The following DDHD2 variants were observed in gnomAD, a reference collection of about 807,000 sequenced individuals.
The protein encoded by DDHD2 is DDHD domain containing 2.
DDHD2 carries 62 observed loss-of-function variants against 91.2 expected under a neutral mutation model. The ratio of observed to expected loss-of-function variants is 0.68; its 90% CI spans 0.55 to 0.84. The LOEUF is 0.84. DDHD2 is among the 40% of genes least tolerant of loss of function. The pLI is 0.00. For synonymous variants in DDHD2, 271 were observed against 293.9 expected, an observed-to-expected ratio of 0.92 and a Z score of 0.80; for missense variants, 740 against 846.9, an observed-to-expected ratio of 0.87 and a Z score of 1.57.
intron 4 of DDHD2, 76 bp from the exon 5 acceptor site, chr8:38,238,013 C>A: frequency 7.1e-7 from 1 of 1,411,476 alleles, no homozygotes. Flanking sequence ...AGACATGATT[C>A]TACACTTAAA....
rs1806286262 is a variant in DDHD2, at chr8:38,253,655, A to G, written c.1991A>G (p.Gln664Arg). 4 of 1,614,170 alleles carry G rather than the reference A, an allele frequency of 2.5e-6. No homozygotes were observed. The highest frequency in any genetic ancestry group is 1.7e-6 in the Non-Finnish European group (2 of 1,179,966). Residue 664 changes from glutamine to arginine, a missense_variant, in exon 16 of 18, where the codon CAG becomes CGG. Gln to Arg is a conservative substitution (Grantham distance 43, BLOSUM62 1). This residue lies in a region of DDHD2 where 47 missense variants were observed against 82.6 expected (regional missense o/e 0.57). Transcript: ENST00000397166. The part of the protein sequence containing the change: ...NGGQRIDYVL[Q>R]EKPIESFNEY... ...GGCCAACGCATTGACTATGTGCTACAGGAGAAGCCTATTGAAAGTTTTAAT... is the reference window on the plus strand; with the variant it reads ...GGCCAACGCATTGACTATGTGCTACGGGAGAAGCCTATTGAAAGTTTTAAT...
chr8:38,255,215 C>T (rs557994805), intron 16 of DDHD2: 2 of 191,562 alleles, frequency 1.0e-5, no homozygotes, highest in Non-Finnish European at 2.1e-5. Flanking sequence ...AAAAAAAAAG[C>T]AAGCTCAAAG....
intron 14 of DDHD2, 49 bp from the exon 15 acceptor site, chr8:38,252,908 C>T (rs1295349823): frequency 6.2e-7 from 1 of 1,608,104 alleles, no homozygotes; most frequent in Admixed American, 1.7e-5. Context: ...CTATGTTGGA[C>T]CCTAAGCTCT....
Position 38,237,593 on chromosome 8 carries a change from C to A in DDHD2, c.467C>A (p.Pro156His). Residue 156 changes from proline to histidine, a missense_variant, in exon 4 of 18, where the codon CCC becomes CAC. By Grantham distance (77) the Pro-to-His change is moderately conservative. Coordinates refer to ENST00000397166, the MANE Select transcript of DDHD2 (RefSeq NM_015214.3). Reference protein sequence around the residue: ...LDEWKKKLESPNREIIILHNP... With the variant: ...LDEWKKKLESHNREIIILHNP... ...GAATGGAAAAAGAAACTGGAATCTC[C>A]CAACAGAGAAATTATTATTTTACAC... The A allele has an allele frequency of 6.3e-7, 1 of 1,591,436 alleles. No individual in the cohort carries two copies. The highest frequency in any genetic ancestry group is 1.1e-5 in the South Asian group (1 of 87,216).
chr8:38,268,392 C>T (rs1394916175), intron 1 of DDHD2: 1 of 1,570,956 alleles, frequency 6.4e-7, no homozygotes, highest in Non-Finnish European at 8.6e-7. Context: ...TGTCTGCTGT[C>T]TCTTGTGTCT....
Position 38,252,976 on chromosome 8 carries a change from C to T in DDHD2, c.1740C>T (p.Thr580=). 6.2e-7 allele frequency: 1 copy of T among 1,613,922 alleles called. No individual in the cohort carries two copies. The highest frequency in any genetic ancestry group is 8.5e-7 in the Non-Finnish European group (1 of 1,179,960). Residue 580 remains threonine, a synonymous_variant, in exon 15 of 18, where the codon ACC becomes ACT. Coordinates refer to ENST00000397166, the MANE Select transcript of DDHD2 (RefSeq NM_015214.3). ...RMHLELREGL[T]RMSMDLKNNL... is the part of the protein sequence containing the mutation. Reference sequence around the variant, plus strand: ...TTTCAGAACTGAGAGAGGGCTTGACCAGGATGAGTATGGACCTTAAGAACA... The same window carrying T: ...TTTCAGAACTGAGAGAGGGCTTGACTAGGATGAGTATGGACCTTAAGAACA...
intron 16 of DDHD2, chr8:38,255,203 A>G (rs1806418842): frequency 3.6e-6 from 1 of 277,088 alleles, no homozygotes. Context: ...TCAAAAAAAA[A>G]AAAAAAAAAA....
At chr8:38,248,232 G>A (rs1003684773) in intron 10 of DDHD2, among the ~76,000 whole-genome samples, 1 of 152,132 alleles carries the variant, frequency 6.6e-6, no homozygotes, top group East Asian at 1.9e-4. Context: ...TTTTAGTAGA[G>A]ATGGGGTTTC....
downstream of DDHD2, chr8:38,273,176 T>C (rs1041773605): frequency 6.6e-6 from 1 of 152,246 alleles, no homozygotes; most frequent in Admixed American, 6.5e-5. Flanking sequence ...TTTTGTATTT[T>C]TAGCAGAGAC....
rs554842749 is a variant in DDHD2, at chr8:38,243,882, G to T, written c.848+1497G>T. Among the ~76,000 whole-genome samples, 3 of 149,618 alleles carry T rather than the reference G, an allele frequency of 2.0e-5. No homozygotes were observed. In the Admixed American group the frequency reaches 2.0e-4, roughly 10 times the overall value. On this transcript the variant is annotated intron_variant, in intron 7 of 17. Transcript: ENST00000397166. The stretch of plus-strand genomic sequence containing the variant: ...TGCAGTGGCGTGATCTCAGCTCACC[G>T]CAACCTCCGACTCCCGGGTTCAAGC...
At chr8:38,270,003 C>CACT (rs1808386075) in intron 1 of DDHD2, 1 of 152,220 alleles carries the variant, frequency 6.6e-6, no homozygotes, top group Non-Finnish European at 1.5e-5. Context: ...ACACGTTTCA[C>CACT]ACTATGCAAT....
At position 38,233,035 on chromosome 8, in the gene DDHD2, C is replaced by T; in HGVS notation, c.41C>T (p.Ser14Leu). ...TCACAACAGGAGCAGTTGTCCCAGT[C>T]AGATCCATCTCCGTCACCAAACTCA... ...VQSQQEQLSQ[S>L]DPSPSPNSCS... The change falls in exon 2 of 18, where the codon TCA becomes TTA. Residue 14 changes from serine to leucine, a missense_variant. Coordinates refer to ENST00000397166, the MANE Select transcript of DDHD2 (RefSeq NM_015214.3). 1 of 1,614,156 alleles carries T rather than the reference C, an allele frequency of 6.2e-7. No individual in the cohort carries two copies. The highest frequency in any genetic ancestry group is 8.5e-7 in the Non-Finnish European group (1 of 1,180,028).
intron 1 of DDHD2, chr8:38,269,383 C>G: frequency 1.6e-6 from 1 of 609,006 alleles, no homozygotes; most frequent in Non-Finnish European, 2.6e-6. Flanking sequence ...GCGGAGCTGC[C>G]CTCTGGTGCG....
downstream of DDHD2, chr8:38,266,859 C>A: frequency 4.2e-6 from 1 of 239,500 alleles, no homozygotes; most frequent in Non-Finnish European, 7.8e-6. Flanking sequence ...CTTGTTGATG[C>A]TTTAGTTTCC....
chr8:38,249,305 G>A (rs991886792), intron 10 of DDHD2, among the ~76,000 whole-genome samples: 2 of 151,496 alleles, frequency 1.3e-5, no homozygotes, highest in Non-Finnish European at 2.9e-5. Context: ...TAGTAGAGAC[G>A]GGGTTTCACC....
rs754698552 is a variant in DDHD2, at chr8:38,253,020, G to C, written c.1784G>C (p.Arg595Pro). ...DLKNNLLGSL[R>P]MAWKSFTRAP... is the part of the protein sequence containing the mutation. ...AAGAACAACTTGCTAGGTTCGCTGC[G>C]GATGGCCTGGAAGTCTTTTACCAGA... The change falls in exon 15 of 18, where the codon CGG (arginine) becomes CCG (proline). Residue 595 changes from arginine to proline, a missense_variant. Around this residue, in one of 2 missense-constraint regions of DDHD2, gnomAD observed 693 missense variants for 764.2 expected, o/e 0.91. Coordinates refer to ENST00000397166, the MANE Select transcript of DDHD2 (RefSeq NM_015214.3). The C allele has an allele frequency of 1.2e-6, 2 of 1,614,094 alleles. No homozygotes were observed. Among genetic ancestry groups the C allele is most frequent in the Non-Finnish European group, 1.7e-6 (2 of 1,180,020 alleles).
chr8:38,264,639 T>A (rs1455564863), downstream of DDHD2: 2 of 1,551,650 alleles, frequency 1.3e-6, no homozygotes, highest in Non-Finnish European at 1.7e-6. Context: ...TCTCTTAATA[T>A]TAGGCTCCTA....
At chr8:38,264,179 A>G (rs1254576798), downstream of DDHD2, 3 of 1,037,426 alleles carry the variant, frequency 2.9e-6, no homozygotes, top group Non-Finnish European at 3.5e-6. Flanking sequence ...ATGGGGTCTC[A>G]CTCTGTTGCC....
At position 38,245,749 on chromosome 8, in the gene DDHD2, C is replaced by T. The variant is rs764638887; in HGVS notation, c.856C>T (p.Gln286Ter). Residue 286 changes from glutamine to a stop codon, truncating the protein, a stop_gained, in exon 8 of 18, where the codon CAG becomes TAG. Transcript: ENST00000397166. LOFTEE classifies it high-confidence loss of function. ...LHSTGVDVDL[Q>*]RITLPSINRL... is the part of the protein sequence containing the mutation. Reference sequence around the variant, plus strand: ...TATTTTTCCTTTTTTCAGAGATCTGCAGCGAATAACCCTGCCCAGCATTAA... The same window carrying T: ...TATTTTTCCTTTTTTCAGAGATCTGTAGCGAATAACCCTGCCCAGCATTAA... The T allele has an allele frequency of 7.4e-6, 12 of 1,613,876 alleles. No individual in the cohort carries two copies. The highest frequency in any genetic ancestry group is 2.2e-5 in the South Asian group (2 of 91,074).
Sources: allele counts gnomAD v4.1 joint callset (sites outside exome capture counted in the v4.1 genomes callset), GRCh38; gene constraint gnomAD v4.1.1; regional missense constraint gnomAD v4.1.1; transcripts MANE v1.5; gene names NCBI Gene and HGNC (gene_info 2026-07-23, HGNC 2026-07-21).